COG6: variants seen among roughly 807,000 people sequenced by gnomAD.
COG6 encodes component of oligomeric golgi complex 6.
A neutral mutation model predicts 88.8 loss-of-function variants in COG6; 74 were observed. That is an observed-to-expected ratio of 0.83 (90% CI 0.69 to 1.01). The LOEUF (loss-of-function observed/expected upper bound fraction) is 1.01, where lower values mean the gene tolerates loss of function less well. Ranked by LOEUF, COG6 falls within the 50% of genes least tolerant of loss-of-function variation. The pLI is 0.00. For synonymous variants in COG6, 286 were observed against 278.7 expected, an observed-to-expected ratio of 1.03 and a Z score of -0.26; for missense variants, 800 against 797.9, an observed-to-expected ratio of 1.00 and a Z score of -0.03.
chr13:39,724,483 C>CTTTTTTTTTTTTTTT, intron 16 of COG6, 25 bp from the exon 17 acceptor site: 2 of 1,283,440 alleles, frequency 1.6e-6, no homozygotes, highest in South Asian at 1.4e-5. Flanking sequence ...CTTGGATCTG[C>CTTTTTTTTTTTTTTT]TTTTTTTTTT....
At chr13:39,734,864 C>T (rs557569232) in intron 18 of COG6, among the ~76,000 whole-genome samples, 3 of 152,184 alleles carry the variant, frequency 2.0e-5, no homozygotes, top group African/African-American at 7.2e-5. Context: ...ACTTGTTTGT[C>T]TCTTTTTATG....
rs1420974248 is a variant in COG6, at chr13:39,680,057, C to G, written c.694+12C>G. 1 of 1,508,886 alleles carries G rather than the reference C, an allele frequency of 6.6e-7. No individual in the cohort carries two copies. The allele number at this position is 1,508,886 out of a possible 1,614,324, so 93.5% of individuals were successfully genotyped here. On this transcript the variant is annotated intron_variant, in intron 7 of 18. Coordinates refer to ENST00000455146, the MANE Select transcript of COG6 (RefSeq NM_020751.3). ...CCGATGGGCTCAAAGTAAGTGATTT[C>G]TTTTATGTTGTCTAGATTCATGAAC... is the stretch of plus-strand genomic sequence containing the variant.
downstream of COG6, among the ~76,000 whole-genome samples, chr13:39,756,336 C>T (rs930296726): frequency 1.3e-5 from 2 of 151,718 alleles, no homozygotes; most frequent in Admixed American, 6.6e-5. Flanking sequence ...TTGAGATGTT[C>T]CAGTTTGAGG....
At chr13:39,705,626 G>A (rs1877851128) in intron 13 of COG6, among the ~76,000 whole-genome samples, 1 of 152,004 alleles carries the variant, frequency 6.6e-6, no homozygotes, top group Non-Finnish European at 1.5e-5. Context: ...ATAGTAGTCA[G>A]GATTGATTTG....
At position 39,655,679 on chromosome 13, in the gene COG6, G is replaced by C. The variant is rs774513050; in HGVS notation, c.-48G>C. ...TGCGCAATACTCGCGCTGCCTCCGTGGTCCCTGCCTGGCTGAGGTGGCAGC... is the reference window on the plus strand; with the variant it reads ...TGCGCAATACTCGCGCTGCCTCCGTCGTCCCTGCCTGGCTGAGGTGGCAGC... On this transcript the variant is annotated 5_prime_UTR_variant, in exon 1 of 19. Transcript: ENST00000455146. 10 of 1,552,380 alleles carry C rather than the reference G, an allele frequency of 6.4e-6. No homozygotes were observed. The highest frequency in any genetic ancestry group is 7.0e-6 in the Non-Finnish European group (8 of 1,147,600).
intron 3 of COG6, among the ~76,000 whole-genome samples, chr13:39,662,210 A>G (rs914576312): frequency 3.4e-5 from 5 of 146,232 alleles, no homozygotes; most frequent in Admixed American, 2.1e-4. Flanking sequence ...GCTCATAGCA[A>G]CTTCCACCTT....
At chr13:39,789,419 C>G (rs578256751) in exon 19 of COG6, 1 of 152,296 alleles carries the variant, frequency 6.6e-6, no homozygotes, top group South Asian at 2.1e-4. Flanking sequence ...TATGTCACTA[C>G]GTTCAATTCT....
chr13:39,656,848 G>A, intron 1 of COG6: 1 of 455,980 alleles, frequency 2.2e-6, no homozygotes, highest in Non-Finnish European at 4.4e-6. Context: ...CTGCTGTTAA[G>A]TTTCTCATGG....
chr13:39,720,514 T>G (rs1416414368), intron 15 of COG6, among the ~76,000 whole-genome samples: 2 of 152,114 alleles, frequency 1.3e-5, no homozygotes, highest in African/African-American at 4.8e-5. Context: ...GAATGAGTTT[T>G]GATATATCTA....
intron 1 of COG6, 62 bp downstream of exon 1, chr13:39,655,941 G>C (rs1311366902): frequency 2.6e-6 from 4 of 1,556,834 alleles, no homozygotes; most frequent in South Asian, 2.4e-5. Context: ...GGCCAGGGGC[G>C]GCGTCTGTCA....
At chr13:39,772,263 C>T (rs138675233) in intron 18 of COG6, among the ~76,000 whole-genome samples, 3 of 152,316 alleles carry the variant, frequency 2.0e-5, no homozygotes, top group South Asian at 2.1e-4. Context: ...CTCTCCTGAC[C>T]CACTGATGAC....
At chr13:39,688,435 T>C (rs1486417229) in intron 10 of COG6, among the ~76,000 whole-genome samples, 1 of 152,014 alleles carries the variant, frequency 6.6e-6, no homozygotes, top group Non-Finnish European at 1.5e-5. Flanking sequence ...AGAGTCATGG[T>C]GGAAGGCAAA....
intron 8 of COG6, among the ~76,000 whole-genome samples, chr13:39,685,632 A>G (rs187452210): frequency 1.9e-4 from 29 of 152,260 alleles, no homozygotes; most frequent in African/African-American, 6.5e-4. Context: ...ATATATACTT[A>G]AAAAGTTAAA....
Position 39,665,156 on chromosome 13 carries a change from T to TA in COG6, c.428+4dup, listed in dbSNP as rs1194037202. On this transcript the variant is annotated splice_region_variant and intron_variant, in intron 4 of 18. Transcript: ENST00000455146. ...AACCACTAAGCTTCAATCTGAAAGG[T>TA]AAGTTTTTCTTCATACAACCACCTT... is the stretch of plus-strand genomic sequence containing the variant. 1.3e-6 allele frequency: 2 copies of TA among 1,493,294 alleles called. No individual in the cohort carries two copies. The highest frequency in any genetic ancestry group is 2.8e-5 in the African/African-American group (2 of 72,508). The allele number at this position is 1,493,294 out of a possible 1,614,324, so 92.5% of individuals were successfully genotyped here.
At position 39,727,362 on chromosome 13, in the gene COG6, T is replaced by A. The variant is rs752726151; in HGVS notation, c.1747-107T>A. On this transcript the variant is annotated intron_variant, in intron 17 of 18. Transcript: ENST00000455146. ...AACACAACAATCTAGTTATTTAGAGTATGGAATTTTTCTCAAGGATTTAAT... is the reference window on the plus strand; with the variant it reads ...AACACAACAATCTAGTTATTTAGAGAATGGAATTTTTCTCAAGGATTTAAT... 4.9e-6 allele frequency: 4 copies of A among 819,200 alleles called. 1 individual carries two copies. The highest frequency in any genetic ancestry group is 2.8e-5 in the South Asian group (2 of 71,772). The allele number at this position is 819,200 out of a possible 1,614,324, so 50.7% of individuals were successfully genotyped here. A position where few individuals can be genotyped will look rare whatever the true frequency, so the allele number is the denominator to read the frequency against.
chr13:39,656,746 T>C, intron 1 of COG6: 1 of 436,150 alleles, frequency 2.3e-6, no homozygotes, highest in Admixed American at 2.6e-5. Flanking sequence ...CTCTGGAGAC[T>C]ACCACTTATT....
intron 18 of COG6, among the ~76,000 whole-genome samples, chr13:39,730,310 A>G (rs1380296800): frequency 6.6e-6 from 1 of 152,120 alleles, no homozygotes; most frequent in East Asian, 1.9e-4. Flanking sequence ...CTCTGTTTTC[A>G]TTCAGAAATA....
chr13:39,755,571 T>C (rs1173204250), downstream of COG6, among the ~76,000 whole-genome samples: 2 of 152,226 alleles, frequency 1.3e-5, no homozygotes, highest in Non-Finnish European at 2.9e-5. Flanking sequence ...ATAAGGACTT[T>C]GAAAAGCTCT....
chr13:39,694,037 G>A lies in COG6; in HGVS notation c.1075-597G>A, dbSNP rs561254529. Among the ~76,000 whole-genome samples, 4 of 151,836 alleles carry A rather than the reference G, an allele frequency of 2.6e-5. No individual in the cohort carries two copies. The South Asian group carries it at 8.3e-4, about 31-fold the overall frequency. On this transcript the variant is annotated intron_variant, in intron 11 of 18. Coordinates refer to ENST00000455146, the MANE Select transcript of COG6 (RefSeq NM_020751.3). ...ATAATATAAAAGAAGGATCAGTGAG[G>A]GATGGAATTTAATTAGAAAAGATTC... is the stretch of plus-strand genomic sequence containing the variant.
Sources: allele counts gnomAD v4.1 joint callset (sites outside exome capture counted in the v4.1 genomes callset), GRCh38; gene constraint gnomAD v4.1.1; transcripts MANE v1.5; gene names NCBI Gene and HGNC (gene_info 2026-07-23, HGNC 2026-07-21).